Variants in CDYL observed in about 807,000 individuals in gnomAD.
CDYL encodes the protein chromodomain Y-like protein.
Under a neutral mutation model 47.3 loss-of-function variants are expected in CDYL, and 8 were observed. The observed-to-expected ratio is 0.17, with a 90% CI of 0.10 to 0.31. The LOEUF (loss-of-function observed/expected upper bound fraction) is 0.31. Among genes scored for constraint, CDYL ranks in the 10% least tolerant of loss-of-function variants. The pLI, the probability that CDYL is intolerant of heterozygous loss-of-function variation, is 1.00. For synonymous variants in CDYL, 266 were observed against 265.0 expected (o/e 1.00, Z -0.04); for missense variants, 471 against 701.4 (o/e 0.67, Z 3.71).
intron 1 of CDYL, among the ~76,000 whole-genome samples, chr6:4,821,863 A>T (rs1759848297): frequency 6.6e-6 from 1 of 152,162 alleles, no homozygotes; most frequent in Admixed American, 6.5e-5. Flanking sequence ...CATTTGAGGT[A>T]ATTGTAGCCA....
At chr6:4,808,170 G>A (rs1244369315) in intron 1 of CDYL, among the ~76,000 whole-genome samples, 1 of 152,188 alleles carries the variant, frequency 6.6e-6, no homozygotes, top group African/African-American at 2.4e-5. Flanking sequence ...ACGGCATTTA[G>A]AAATGCACAT....
chr6:4,862,576 C>T (rs893143309), intron 1 of CDYL, among the ~76,000 whole-genome samples: 17 of 152,236 alleles, frequency 1.1e-4, no homozygotes, highest in Non-Finnish European at 1.5e-5. Context: ...GATCTCAAAG[C>T]TCCCTACCTT....
chr6:4,879,654 G>A (rs1016303005), intron 1 of CDYL, among the ~76,000 whole-genome samples: 4 of 149,374 alleles, frequency 2.7e-5, no homozygotes, highest in South Asian at 2.1e-4. Flanking sequence ...TGCCTCCCGG[G>A]TTCAAGCAAT....
chr6:4,934,343 A>T (rs996455024), intron 2 of CDYL, among the ~76,000 whole-genome samples: 3 of 152,056 alleles, frequency 2.0e-5, no homozygotes, highest in African/African-American at 7.2e-5. Context: ...AATATAATTA[A>T]AAAAAAACCT....
At chr6:4,922,529 G>A (rs1757746522) in intron 2 of CDYL, among the ~76,000 whole-genome samples, 1 of 152,256 alleles carries the variant, frequency 6.6e-6, no homozygotes, top group African/African-American at 2.4e-5. Context: ...GTGAATGGGT[G>A]AGCGTGTTTC....
intron 3 of CDYL, among the ~76,000 whole-genome samples, chr6:4,766,815 G>A (rs1758258381): frequency 6.6e-6 from 1 of 151,860 alleles, no homozygotes; most frequent in Middle Eastern, 3.4e-3. Flanking sequence ...ACCAGCCTGG[G>A]CAATCTGGTG....
chr6:4,938,215 T>G (rs1318637327), intron 4 of CDYL, among the ~76,000 whole-genome samples: 1 of 144,396 alleles, frequency 6.9e-6, no homozygotes, highest in Non-Finnish European at 1.5e-5. Context: ...AGAGTTTTGT[T>G]TTTTGGTTTT....
At chr6:4,934,477 C>G (rs1202118138) in intron 2 of CDYL, among the ~76,000 whole-genome samples, 1 of 152,140 alleles carries the variant, frequency 6.6e-6, no homozygotes, top group African/African-American at 2.4e-5. Flanking sequence ...TATTCTCTTT[C>G]ACTTTGGAGG....
intron 1 of CDYL, among the ~76,000 whole-genome samples, chr6:4,840,513 A>G (rs755311131): frequency 4.6e-5 from 7 of 152,120 alleles, no homozygotes; most frequent in African/African-American, 9.7e-5. Context: ...ACTTTTCACC[A>G]TTCAGTGTTA....
intron 1 of CDYL, among the ~76,000 whole-genome samples, chr6:4,823,781 C>T (rs899922857): frequency 5.9e-5 from 9 of 152,236 alleles, no homozygotes; most frequent in Admixed American, 1.3e-4. Flanking sequence ...ATGTACAATT[C>T]CATGATATTA....
At chr6:4,815,757 C>T (rs1475035588) in intron 1 of CDYL, among the ~76,000 whole-genome samples, 1 of 141,926 alleles carries the variant, frequency 7.0e-6, no homozygotes, top group African/African-American at 2.6e-5. Flanking sequence ...GCAGTTGGCA[C>T]TTTCCATATT....
chr6:4,843,801 C>T (rs541208501), intron 1 of CDYL, among the ~76,000 whole-genome samples: 22 of 152,198 alleles, frequency 1.4e-4, no homozygotes, highest in Non-Finnish European at 2.6e-4. Flanking sequence ...GCTTAATAAT[C>T]GACCTGCTGA....
At chr6:4,774,624 C>T (rs541921068), upstream of CDYL, 8 of 152,290 alleles carry the variant, frequency 5.3e-5, no homozygotes, top group South Asian at 1.0e-3. Context: ...CTCGTGGACA[C>T]TGAAATTCCA....
chr6:4,885,401 A>G (rs1420182929), intron 1 of CDYL, among the ~76,000 whole-genome samples: 4 of 152,188 alleles, frequency 2.6e-5, no homozygotes, highest in African/African-American at 7.2e-5. Context: ...CAGTGTCTCC[A>G]TGCCATAGAT....
intron 2 of CDYL, among the ~76,000 whole-genome samples, chr6:4,896,383 C>T (rs1347403915): frequency 6.6e-6 from 1 of 152,186 alleles, no homozygotes; most frequent in Admixed American, 6.5e-5. Context: ...CAGACTAAAT[C>T]GAACTGTGCC....
chr6:4,952,182 C>T lies in CDYL; in HGVS notation c.1333-84C>T, dbSNP rs894796757. The T allele has an allele frequency of 1.5e-5, 22 of 1,483,242 alleles. No homozygotes were observed. The Admixed American group carries it at 4.1e-4, about 28-fold the overall frequency. 91.9% of individuals were successfully genotyped at this position (1,483,242 alleles called of 1,614,324 possible). Reference sequence around the variant, plus strand: ...CGGGGCTGGTATTTGTGAATGTTTCCCTTCGGTGTGGATTTTAAGGGATGG... The same window carrying T: ...CGGGGCTGGTATTTGTGAATGTTTCTCTTCGGTGTGGATTTTAAGGGATGG... On this transcript the variant is annotated intron_variant, in intron 5 of 6. Coordinates refer to ENST00000397588, the MANE Select transcript of CDYL (RefSeq NM_004824.4).
chr6:4,890,218 A>G (rs1190645872), intron 1 of CDYL: 3 of 938,528 alleles, frequency 3.2e-6, no homozygotes, highest in Non-Finnish European at 3.8e-6. Flanking sequence ...CTCTTAAACT[A>G]TTTCTGCAAA....
chr6:4,725,392 G>A (rs139970311), intron 2 of CDYL, among the ~76,000 whole-genome samples: 3 of 152,220 alleles, frequency 2.0e-5, no homozygotes, highest in East Asian at 1.9e-4. Flanking sequence ...CGGCGCTCGT[G>A]GGGGAGGCTC....
intron 3 of CDYL, among the ~76,000 whole-genome samples, chr6:4,754,817 T>C (rs1758051121): frequency 6.6e-6 from 1 of 152,204 alleles, no homozygotes; most frequent in African/African-American, 2.4e-5. Flanking sequence ...ATCCTATAAA[T>C]TAAAATATTT....
Sources: allele counts gnomAD v4.1 joint callset (sites outside exome capture counted in the v4.1 genomes callset), GRCh38; gene constraint gnomAD v4.1.1; transcripts MANE v1.5; gene names NCBI Gene and HGNC (gene_info 2026-07-23, HGNC 2026-07-21).